Variants in CACNA2D3 observed in about 807,000 individuals in gnomAD.
CACNA2D3 encodes the protein voltage-dependent calcium channel subunit alpha-2/delta-3.
CACNA2D3 carries 60 observed loss-of-function variants against 160.6 expected under a neutral mutation model. That is an observed-to-expected ratio of 0.37 (90% CI 0.30 to 0.46). CACNA2D3 has a LOEUF of 0.46. Among genes scored for constraint, CACNA2D3 ranks in the 20% least tolerant of loss-of-function variants. The pLI is 1.00. For missense variants in CACNA2D3, 1,205 were observed against 1,365.0 expected (o/e 0.88, Z 1.85); for synonymous variants, 558 against 492.9 (o/e 1.13, Z -1.75).
At chr3:54,485,076 A>G (rs1004374629) in intron 4 of CACNA2D3, among the ~76,000 whole-genome samples, 3 of 151,940 alleles carry the variant, frequency 2.0e-5, no homozygotes, top group African/African-American at 7.3e-5. Flanking sequence ...CGATCTCCTG[A>G]CCTCGTGATT....
rs116834897 is a variant in CACNA2D3, at chr3:54,544,270, C to T, written c.545-18530C>T. Among the ~76,000 whole-genome samples the T allele has an allele frequency of 8.9e-3, 1,353 of 152,208 alleles. 20 individuals carry two copies. The highest frequency in any genetic ancestry group is 0.031 in the African/African-American group (1,274 of 41,538). ...ATCTGTTTCAAGTGACATGTTTGCT[C>T]TTAAATAATTCTACCTTTTAATGGT... On this transcript the variant is annotated intron_variant, in intron 5 of 37. Coordinates refer to ENST00000474759, the MANE Select transcript of CACNA2D3 (RefSeq NM_018398.3).
chr3:54,863,697 C>T (rs1017999422), intron 17 of CACNA2D3, among the ~76,000 whole-genome samples: 9 of 149,228 alleles, frequency 6.0e-5, no homozygotes, highest in African/African-American at 2.2e-4. Context: ...GTTTTCAAAG[C>T]AGCCTGTTAA....
At chr3:54,918,649 C>G (rs142542421) in intron 27 of CACNA2D3, 2 of 1,614,186 alleles carry the variant, frequency 1.2e-6, no homozygotes, top group Non-Finnish European at 1.7e-6. Context: ...AATGGCATGA[C>G]GCAGGTTGGC....
intron 25 of CACNA2D3, among the ~76,000 whole-genome samples, chr3:54,892,632 T>G (rs549807243): frequency 4.7e-4 from 71 of 152,282 alleles, no homozygotes; most frequent in African/African-American, 1.7e-3. Context: ...GACAATTGTT[T>G]TTCCAGAGGG....
intron 11 of CACNA2D3, among the ~76,000 whole-genome samples, chr3:54,673,683 G>T (rs201909037): frequency 9.2e-5 from 14 of 152,202 alleles, no homozygotes; most frequent in Non-Finnish European, 1.9e-4. Flanking sequence ...AATATCAAAG[G>T]TAATATCTGG....
At chr3:54,945,276 T>C (rs994751231) in intron 27 of CACNA2D3, among the ~76,000 whole-genome samples, 2 of 152,212 alleles carry the variant, frequency 1.3e-5, no homozygotes, top group Admixed American at 6.5e-5. Flanking sequence ...CTGCTAGTAT[T>C]GTGCCCTCCA....
At chr3:55,008,223 C>G (rs1317029219) in intron 33 of CACNA2D3, among the ~76,000 whole-genome samples, 1 of 152,144 alleles carries the variant, frequency 6.6e-6, no homozygotes, top group Admixed American at 6.5e-5. Flanking sequence ...TTGGCCTGTG[C>G]AGGAATGGGT....
At chr3:54,212,898 C>G (rs146160362) in intron 2 of CACNA2D3, among the ~76,000 whole-genome samples, 125 of 152,238 alleles carry the variant, frequency 8.2e-4, no homozygotes, top group South Asian at 1.9e-3. Flanking sequence ...ACAGGACATT[C>G]TAGAGGATTA....
chr3:54,624,465 AC>A (rs1232208398), intron 9 of CACNA2D3, among the ~76,000 whole-genome samples: 7 of 152,244 alleles, frequency 4.6e-5, no homozygotes, highest in Admixed American at 4.6e-4. Context: ...TATTAAAAAT[AC>A]AAAAAATTAG....
chr3:55,017,015 A>T (rs1315768380), intron 34 of CACNA2D3, among the ~76,000 whole-genome samples: 2 of 152,232 alleles, frequency 1.3e-5, no homozygotes, highest in Non-Finnish European at 2.9e-5. Flanking sequence ...ATCTCCCCGT[A>T]GTTCTGCCCA....
At chr3:54,882,657 C>T (rs1699828084) in intron 21 of CACNA2D3, among the ~76,000 whole-genome samples, 1 of 152,178 alleles carries the variant, frequency 6.6e-6, no homozygotes, top group African/African-American at 2.4e-5. Flanking sequence ...GACTGACAAT[C>T]CTGCCAGCTT....
At position 54,656,877 on chromosome 3, in the gene CACNA2D3, A is replaced by G. The variant is rs559474133; in HGVS notation, c.1167+14636A>G. On this transcript the variant is annotated intron_variant, in intron 11 of 37. Transcript: ENST00000474759. ...AGTTGGTGCATGCGGATGTATGTAT[A>G]TGCTCATGTTATGATCACAGTTTCA... Among the ~76,000 whole-genome samples the G allele has an allele frequency of 1.3e-3, 192 of 152,312 alleles. 1 individual carries two copies. Among genetic ancestry groups the G allele is most frequent in the African/African-American group, 4.3e-3 (180 of 41,568 alleles).
chr3:54,956,036 G>A (rs759981085), intron 27 of CACNA2D3, among the ~76,000 whole-genome samples: 3 of 152,194 alleles, frequency 2.0e-5, no homozygotes, highest in Non-Finnish European at 2.9e-5. Flanking sequence ...ACTCCAGAGT[G>A]CCGTCCGCCC....
intron 2 of CACNA2D3, among the ~76,000 whole-genome samples, chr3:54,128,348 C>T (rs1183330750): frequency 6.6e-6 from 1 of 152,178 alleles, no homozygotes; most frequent in Non-Finnish European, 1.5e-5. Context: ...CACCCGGCAC[C>T]TGTGGCCCTC....
At chr3:54,725,514 A>G (rs537534094) in intron 11 of CACNA2D3, among the ~76,000 whole-genome samples, 67 of 152,328 alleles carry the variant, frequency 4.4e-4, no homozygotes, top group Admixed American at 7.2e-4. Context: ...AAAATCTTCA[A>G]TAAAAAACTG....
chr3:54,486,558 A>G (rs549249083), intron 4 of CACNA2D3, among the ~76,000 whole-genome samples: 13 of 152,308 alleles, frequency 8.5e-5, no homozygotes, highest in African/African-American at 2.6e-4. Flanking sequence ...ATTTCACCAG[A>G]ATCATTTGAT....
Position 54,802,556 on chromosome 3 carries a change from G to T in CACNA2D3, c.1381-14297G>T, listed in dbSNP as rs551146285. Among the ~76,000 whole-genome samples the T allele has an allele frequency of 2.6e-4, 40 of 152,230 alleles. No individual in the cohort carries two copies. In the South Asian group the frequency reaches 8.3e-3, roughly 32 times the overall value. On this transcript the variant is annotated intron_variant, in intron 13 of 37. Coordinates refer to ENST00000474759, the MANE Select transcript of CACNA2D3 (RefSeq NM_018398.3). ...ATTTGTACAAATAAAATCTAGTTGT[G>T]ATCTGCCATGGTGTGTACCTAAGAG...
At chr3:54,801,281 C>A (rs1192156587) in intron 13 of CACNA2D3, among the ~76,000 whole-genome samples, 1 of 152,134 alleles carries the variant, frequency 6.6e-6, no homozygotes, top group East Asian at 1.9e-4. Flanking sequence ...AGCCATCATG[C>A]CCGGCCTGGA....
chr3:54,383,461 A>G (rs1306431812), intron 3 of CACNA2D3, among the ~76,000 whole-genome samples: 2 of 152,230 alleles, frequency 1.3e-5, no homozygotes, highest in Non-Finnish European at 1.5e-5. Context: ...TATTTGCTTC[A>G]TAAGAAACAA....
Sources: gnomAD v4.1 joint callset for allele counts (sites outside exome capture counted in the v4.1 genomes callset) on GRCh38, gnomAD v4.1.1 for gene constraint, MANE v1.5 for transcripts, NCBI Gene and HGNC (gene_info 2026-07-23, HGNC 2026-07-21) for gene names.